Variants in KCNT1 observed in about 807,000 individuals in gnomAD.
KCNT1 encodes potassium sodium-activated channel subfamily T member 1.
Under a neutral mutation model 147.8 loss-of-function variants are expected in KCNT1, and 78 were observed. The ratio of observed to expected loss-of-function variants is 0.53; its 90% CI spans 0.44 to 0.64. The LOEUF is 0.64. Among genes scored for constraint, KCNT1 ranks in the 30% least tolerant of loss-of-function variants. The pLI, the probability that KCNT1 is intolerant of heterozygous loss-of-function variation, is 0.00. For missense variants in KCNT1, 1,419 were observed against 1,750.3 expected (o/e 0.81, Z 3.38); for synonymous variants, 867 against 748.8 (o/e 1.16, Z -2.58).
chr9:135,760,902 C>T (rs139268120), intron 11 of KCNT1, among the ~76,000 whole-genome samples: 2 of 152,338 alleles, frequency 1.3e-5, no homozygotes, highest in African/African-American at 4.8e-5. Context: ...CCCCCTGGTT[C>T]TCGCTGATGA....
intron 2 of KCNT1, among the ~76,000 whole-genome samples, chr9:135,732,028 A>AGG (rs1564328339): frequency 1.5e-5 from 2 of 136,728 alleles, no homozygotes; most frequent in African/African-American, 2.7e-5. Context: ...AGAGAGAGAG[A>AGG]GAGAGAGAGA....
chr9:135,792,491 CAGGCTGTGCTGGAGGGTG>C lies in KCNT1; in HGVS notation c.*331_*348del. 1 of 240,730 alleles carries C rather than the reference CAGGCTGTGCTGGAGGGTG, an allele frequency of 4.2e-6. No homozygotes were observed. Among genetic ancestry groups the C allele is most frequent in the Admixed American group, 5.4e-5 (1 of 18,496 alleles). 14.9% of individuals were successfully genotyped at this position (240,730 alleles called of 1,614,324 possible). On this transcript the variant is annotated 3_prime_UTR_variant, in exon 31 of 31. Coordinates refer to ENST00000371757, the MANE Select transcript of KCNT1 (RefSeq NM_020822.3). ...ACTGGACGCCCTACAGGGCCGAGCC[CAGGCTGTGCTGGAGGGTG>C]GGGCTGGGGTGCATGGGGAGGGGAG...
chr9:135,761,618 C>A (rs555463561), intron 11 of KCNT1, among the ~76,000 whole-genome samples: 1 of 152,232 alleles, frequency 6.6e-6, no homozygotes, highest in Non-Finnish European at 1.5e-5. Context: ...GACCTTGCTA[C>A]GGGCCCCCAG....
At chr9:135,755,408 G>A (rs1033505760) in intron 6 of KCNT1, among the ~76,000 whole-genome samples, 2 of 138,096 alleles carry the variant, frequency 1.4e-5, no homozygotes, top group South Asian at 2.4e-4. Flanking sequence ...GTAAACAGGT[G>A]ACTCCAACTC....
chr9:135,711,072 CTT>C (rs1036373176), intron 1 of KCNT1, among the ~76,000 whole-genome samples: 2 of 152,228 alleles, frequency 1.3e-5, no homozygotes, highest in Non-Finnish European at 2.9e-5. Context: ...GTTGATTCCT[CTT>C]GGGTTTTCCA....
At chr9:135,777,813 C>G (rs1041338484) in intron 21 of KCNT1, among the ~76,000 whole-genome samples, 5 of 151,402 alleles carry the variant, frequency 3.3e-5, no homozygotes, top group Admixed American at 1.3e-4. Flanking sequence ...ACTCCCAGCT[C>G]CTCCTTGCTT....
chr9:135,763,826 T>A (rs10116552), intron 11 of KCNT1, among the ~76,000 whole-genome samples: 20 of 152,026 alleles, frequency 1.3e-4, no homozygotes, highest in African/African-American at 4.8e-4. Context: ...CATTAGCTCC[T>A]TCATCCTCAC....
rs1390747173 is a variant in KCNT1, at chr9:135,784,626, C to G, written c.3027+8C>G. The G allele has an allele frequency of 1.9e-6, 3 of 1,611,446 alleles. No homozygotes were observed. Among genetic ancestry groups the G allele is most frequent in the Non-Finnish European group, 2.5e-6 (3 of 1,179,498 alleles). On this transcript the variant is annotated splice_region_variant and intron_variant, in intron 26 of 30. Coordinates refer to ENST00000371757, the MANE Select transcript of KCNT1 (RefSeq NM_020822.3). ...TCGGGGTACCTCTGTGCCGTAAGTG[C>G]CCCTGGCTGCGCTGGGCTGGGGGCG... is the stretch of plus-strand genomic sequence containing the variant.
At chr9:135,773,127 G>GCCACATCACC (rs1832876819) in intron 19 of KCNT1, among the ~76,000 whole-genome samples, 178 bp downstream of exon 19, 2 of 152,152 alleles carry the variant, frequency 1.3e-5, no homozygotes, top group South Asian at 4.1e-4. Flanking sequence ...CAGACATCAG[G>GCCACATCACC]GCCACATCAC....
chr9:135,783,810 G>A (rs2131569267), intron 24 of KCNT1, among the ~76,000 whole-genome samples: 1 of 152,376 alleles, frequency 6.6e-6, no homozygotes, highest in Non-Finnish European at 1.5e-5. Context: ...GGCCCTGAGT[G>A]TGTCTGGGAA....
chr9:135,748,839 C>G (rs774660557), intron 2 of KCNT1, among the ~76,000 whole-genome samples: 6 of 152,216 alleles, frequency 3.9e-5, no homozygotes, highest in Non-Finnish European at 7.4e-5. Context: ...CTGAGGGAGG[C>G]GGGGCACCTC....
chr9:135,755,253 A>T, intron 6 of KCNT1, 84 bp downstream of exon 6: 18 of 1,255,622 alleles, frequency 1.4e-5, no homozygotes, highest in Non-Finnish European at 2.0e-5. Flanking sequence ...TAAGTAGGGA[A>T]CCCAGGCTCG....
intron 2 of KCNT1, among the ~76,000 whole-genome samples, chr9:135,739,387 G>A (rs1702707132): frequency 6.7e-6 from 1 of 148,482 alleles, no homozygotes; most frequent in Admixed American, 6.7e-5. Context: ...CCCCGGCCCC[G>A]CCCCAAGCCC....
intron 24 of KCNT1, among the ~76,000 whole-genome samples, chr9:135,782,828 CGCCCATCGCA>C (rs1391017332): frequency 1.3e-5 from 2 of 152,234 alleles, no homozygotes; most frequent in Admixed American, 6.5e-5. Flanking sequence ...CAAACTCACA[CGCCCATCGCA>C]GCTCATCGCA....
At chr9:135,741,561 C>A (rs11103153) in intron 2 of KCNT1, among the ~76,000 whole-genome samples, 1 of 152,064 alleles carries the variant, frequency 6.6e-6, no homozygotes, top group Non-Finnish European at 1.5e-5. Flanking sequence ...CTGCCTGCTC[C>A]GTGTGGAGCT....
Position 135,761,278 on chromosome 9 carries a change from A to G in KCNT1, c.1035+1419A>G, listed in dbSNP as rs373410522. On this transcript the variant is annotated intron_variant, in intron 11 of 30. Transcript: ENST00000371757. ...TCTAAAAGTGTAAAGCTCGCCTCTC[A>G]CCTGGAGGGTTTCACCCACCAGGAA... is the stretch of plus-strand genomic sequence containing the variant. Among the ~76,000 whole-genome samples the G allele has an allele frequency of 7.9e-5, 12 of 152,126 alleles. 1 individual carries two copies. The East Asian group carries it at 1.4e-3, about 17-fold the overall frequency.
intron 2 of KCNT1, among the ~76,000 whole-genome samples, chr9:135,744,437 C>T (rs764902456): frequency 7.9e-5 from 12 of 152,352 alleles, no homozygotes; most frequent in Middle Eastern, 3.4e-3. Flanking sequence ...TGGGTACACG[C>T]GGGGCCCAGG....
At position 135,778,509 on chromosome 9, in the gene KCNT1, G is replaced by T; in HGVS notation, c.2594+14G>T. The stretch of plus-strand genomic sequence containing the variant: ...CTCTGTGGACAAGTAAGGCGTGGCC[G>T]GCCGAGGCTCGTGGGGGCTCCACAC... On this transcript the variant is annotated intron_variant, in intron 22 of 30. Coordinates refer to ENST00000371757, the MANE Select transcript of KCNT1 (RefSeq NM_020822.3). 6.3e-7 allele frequency: 1 copy of T among 1,588,892 alleles called. No homozygotes were observed. The highest frequency in any genetic ancestry group is 8.6e-7 in the Non-Finnish European group (1 of 1,167,692).
At chr9:135,706,468 G>C (rs994813940) in intron 1 of KCNT1, among the ~76,000 whole-genome samples, 23 of 152,344 alleles carry the variant, frequency 1.5e-4, no homozygotes, top group African/African-American at 5.5e-4. Context: ...TGTGCCAGCT[G>C]CCACCGTCTC....
Sources: allele counts gnomAD v4.1 joint callset (sites outside exome capture counted in the v4.1 genomes callset), GRCh38; gene constraint gnomAD v4.1.1; transcripts MANE v1.5; gene names NCBI Gene and HGNC (gene_info 2026-07-23, HGNC 2026-07-21).